ISM1: variants seen among roughly 807,000 people sequenced by gnomAD.
ISM1 encodes isthmin-1.
Under a neutral mutation model 46.3 loss-of-function variants are expected in ISM1, and 25 were observed. The ratio of observed to expected loss-of-function variants is 0.54; its 90% CI spans 0.39 to 0.75. The LOEUF (loss-of-function observed/expected upper bound fraction) is 0.75. ISM1 is among the 30% of genes least tolerant of loss of function. The pLI, the probability that ISM1 is intolerant of heterozygous loss-of-function variation, is 0.00. For missense variants in ISM1, 536 were observed against 625.4 expected (o/e 0.86, Z 1.52); for synonymous variants, 255 against 256.7 (o/e 0.99, Z 0.06).
chr20:13,232,912 GA>G (rs750738292), intron 1 of ISM1, among the ~76,000 whole-genome samples: 1 of 152,100 alleles, frequency 6.6e-6, no homozygotes, highest in Non-Finnish European at 1.5e-5. Flanking sequence ...TTTCTTTTCA[GA>G]ATGCCCAAAG....
chr20:13,284,792 A>C (rs547077979), intron 3 of ISM1, among the ~76,000 whole-genome samples: 6 of 152,316 alleles, frequency 3.9e-5, no homozygotes, highest in Admixed American at 3.9e-4. Flanking sequence ...GGCGAGTTCT[A>C]TGCCTAACTT....
intron 1 of ISM1, among the ~76,000 whole-genome samples, chr20:13,248,234 A>G (rs960880402): frequency 2.0e-5 from 3 of 152,136 alleles, no homozygotes; most frequent in African/African-American, 2.4e-5. Flanking sequence ...CTTCTTTATG[A>G]ACATTTCTTG....
intron 1 of ISM1, among the ~76,000 whole-genome samples, chr20:13,250,374 T>A (rs2039854854): frequency 6.6e-6 from 1 of 152,174 alleles, no homozygotes; most frequent in Admixed American, 6.5e-5. Flanking sequence ...TGCGGAGAAT[T>A]TCACACGTAC....
the ISM1 span, among the ~76,000 whole-genome samples, chr20:13,311,777 G>A: frequency 6.6e-6 from 1 of 152,154 alleles, no homozygotes; most frequent in Non-Finnish European, 1.5e-5. Flanking sequence ...GTAACCAGGG[G>A]CTTGGGAGGC....
At chr20:13,285,880 T>C (rs532062519) in intron 3 of ISM1, among the ~76,000 whole-genome samples, 2 of 152,302 alleles carry the variant, frequency 1.3e-5, no homozygotes, top group East Asian at 3.9e-4. Context: ...GGGTGATGTC[T>C]CTCCAAATTT....
At chr20:13,316,300 A>G in the ISM1 span, among the ~76,000 whole-genome samples, 1 of 151,982 alleles carries the variant, frequency 6.6e-6, no homozygotes, top group Non-Finnish European at 1.5e-5. Context: ...ATTGATAATT[A>G]ATAACCTGTC....
At chr20:13,321,465 G>A in the ISM1 span, among the ~76,000 whole-genome samples, 16 of 152,142 alleles carry the variant, frequency 1.1e-4, no homozygotes, top group African/African-American at 3.9e-4. Flanking sequence ...GGGGAGAAAC[G>A]CTCTAGGACG....
At chr20:13,306,108 G>A in the ISM1 span, among the ~76,000 whole-genome samples, 1 of 152,118 alleles carries the variant, frequency 6.6e-6, no homozygotes, top group Non-Finnish European at 1.5e-5. Context: ...GCACAGAAAA[G>A]CCTTTCATTC....
chr20:13,270,031 T>C (rs2040094010), intron 1 of ISM1, among the ~76,000 whole-genome samples: 1 of 152,094 alleles, frequency 6.6e-6, no homozygotes, highest in Admixed American at 6.6e-5. Context: ...TGGATGAATG[T>C]ATGTAATGAA....
intron 1 of ISM1, among the ~76,000 whole-genome samples, chr20:13,260,576 G>A (rs1051547569): frequency 1.3e-5 from 2 of 150,156 alleles, no homozygotes; most frequent in African/African-American, 4.9e-5. Context: ...TCAATTTGAT[G>A]TTTTCAGCAT....
chr20:13,298,816 G>C (rs779369275), intron 5 of ISM1, 126 bp from the exon 6 acceptor site: 155 of 858,310 alleles, frequency 1.8e-4, no homozygotes, highest in Non-Finnish European at 3.2e-5. Context: ...TTGACTTCAG[G>C]GAGTTGTTGA....
At chr20:13,222,095 G>A (rs1187403297) in intron 1 of ISM1, among the ~76,000 whole-genome samples, 181 bp downstream of exon 1, 1 of 152,198 alleles carries the variant, frequency 6.6e-6, no homozygotes, top group East Asian at 1.9e-4. Context: ...GGGGGCACGT[G>A]CCTGGAGGCT....
At chr20:13,229,592 T>G (rs2039566115) in intron 1 of ISM1, among the ~76,000 whole-genome samples, 1 of 152,228 alleles carries the variant, frequency 6.6e-6, no homozygotes, top group Non-Finnish European at 1.5e-5. Context: ...TTGTTTCCAT[T>G]GCTTTGCATA....
At chr20:13,298,911 G>A (rs766016612) in intron 5 of ISM1, 31 bp from the exon 6 acceptor site, 7 of 1,605,970 alleles carry the variant, frequency 4.4e-6, no homozygotes, top group East Asian at 4.5e-5. Flanking sequence ...TTGTACACGC[G>A]GTGAGAGGGT....
chr20:13,255,267 GA>G (rs956736289), intron 1 of ISM1, among the ~76,000 whole-genome samples: 1 of 151,992 alleles, frequency 6.6e-6, no homozygotes, highest in Non-Finnish European at 1.5e-5. Flanking sequence ...AGAGGAATTT[GA>G]AAAAATGGAT....
intron 2 of ISM1, among the ~76,000 whole-genome samples, chr20:13,275,835 TC>T (rs897704692): frequency 2.0e-5 from 3 of 152,198 alleles, no homozygotes; most frequent in Non-Finnish European, 2.9e-5. Context: ...AAGAACTGGT[TC>T]AGAGACCAAC....
intron 3 of ISM1, among the ~76,000 whole-genome samples, chr20:13,282,294 C>G (rs915737618): frequency 1.3e-5 from 2 of 152,170 alleles, no homozygotes; most frequent in Non-Finnish European, 2.9e-5. Context: ...TCTCCATCTC[C>G]TGAATGAGAA....
At chr20:13,234,016 G>C (rs1460754081) in intron 1 of ISM1, among the ~76,000 whole-genome samples, 1 of 152,112 alleles carries the variant, frequency 6.6e-6, no homozygotes. Context: ...AGGTTTCTTA[G>C]GTGCGTATAT....
the ISM1 span, among the ~76,000 whole-genome samples, chr20:13,321,322 T>A: frequency 6.9e-6 from 1 of 145,180 alleles, no homozygotes; most frequent in African/African-American, 2.6e-5. Context: ...AATTAGCAGT[T>A]TTGTCCACAG....
Sources: allele counts gnomAD v4.1 joint callset (sites outside exome capture counted in the v4.1 genomes callset), GRCh38; gene constraint gnomAD v4.1.1; transcripts MANE v1.5; gene names NCBI Gene and HGNC (gene_info 2026-07-23, HGNC 2026-07-21).